The following ERO1B variants were observed in gnomAD, a reference collection of about 807,000 sequenced individuals.
ERO1B encodes the protein endoplasmic reticulum oxidoreductase 1 beta.
Under a neutral mutation model 75.3 loss-of-function variants are expected in ERO1B, and 49 were observed. The ratio of observed to expected loss-of-function variants is 0.65; its 90% CI spans 0.52 to 0.83. The LOEUF is 0.83. ERO1B is among the 40% of genes least tolerant of loss of function. The pLI, the probability that ERO1B is intolerant of heterozygous loss-of-function variation, is 0.00. For missense variants in ERO1B, 512 were observed against 560.1 expected (o/e 0.91, Z 0.87); for synonymous variants, 191 against 192.9 (o/e 0.99, Z 0.08).
chr1:236,268,710 C>G (rs1193733558), intron 2 of ERO1B, among the ~76,000 whole-genome samples: 1 of 151,356 alleles, frequency 6.6e-6, no homozygotes, highest in Non-Finnish European at 1.5e-5. Context: ...CATGGTGAAA[C>G]CCCGTCTCTA....
chr1:236,223,202 C>CA (rs11322079), intron 13 of ERO1B, among the ~76,000 whole-genome samples: 2,468 of 80,708 alleles, frequency 0.031, 64 homozygotes, highest in East Asian at 0.081. Flanking sequence ...AACTCTGTCT[C>CA]AAAAAAAAAA....
At chr1:236,268,542 A>C (rs1330730814) in intron 2 of ERO1B, among the ~76,000 whole-genome samples, 1 of 152,214 alleles carries the variant, frequency 6.6e-6, no homozygotes, top group African/African-American at 2.4e-5. Flanking sequence ...ACTTGAAGCC[A>C]GGAATTTGAG....
intron 9 of ERO1B, among the ~76,000 whole-genome samples, chr1:236,232,274 A>G (rs758136048): frequency 5.3e-5 from 8 of 152,212 alleles, no homozygotes; most frequent in Non-Finnish European, 8.8e-5. Flanking sequence ...GGAAAGCACC[A>G]TGTTTTAAAC....
intron 1 of ERO1B, chr1:236,281,453 T>C: frequency 2.6e-6 from 1 of 381,794 alleles, no homozygotes; most frequent in Non-Finnish European, 4.6e-6. Flanking sequence ...TCTTCCTCTT[T>C]TGACTGCCAT....
At chr1:236,251,930 G>A in intron 4 of ERO1B, 120 bp downstream of exon 4, 1 of 710,150 alleles carries the variant, frequency 1.4e-6, no homozygotes, top group Non-Finnish European at 2.4e-6. Flanking sequence ...GAATTCTGAG[G>A]CAAAATGTCT....
intron 2 of ERO1B, among the ~76,000 whole-genome samples, chr1:236,263,798 T>TTTTTTTTTTTTTTTTTTTTTTTC (rs1665350103): frequency 8.9e-6 from 1 of 112,528 alleles, no homozygotes; most frequent in Non-Finnish European, 1.9e-5. Flanking sequence ...TTTTTTTTTT[T>TTTTTTTTTTTTTTTTTTTTTTTC]TTTTTTTTGA....
intron 1 of ERO1B, 103 bp downstream of exon 1, chr1:236,281,579 G>GCCCGGCCCT: frequency 1.6e-6 from 1 of 618,800 alleles, no homozygotes; most frequent in Non-Finnish European, 2.4e-6. Flanking sequence ...CCTCTTTTCT[G>GCCCGGCCCT]GCCCGGCCCT....
Position 236,215,441 on chromosome 1 carries a change from A to G in ERO1B, c.*3075T>C, listed in dbSNP as rs970370940. 2 of 152,204 alleles carry G rather than the reference A, an allele frequency of 1.3e-5. No homozygotes were observed. The highest frequency in any genetic ancestry group is 4.8e-5 in the African/African-American group (2 of 41,462). 9.4% of individuals were successfully genotyped at this position (152,204 alleles called of 1,614,324 possible). On this transcript the variant is annotated 3_prime_UTR_variant, in exon 16 of 16. Coordinates refer to ENST00000354619, the MANE Select transcript of ERO1B (RefSeq NM_019891.4). ...CCAATGCTTGCCATTATGATAAGAAACAACCTCAGACTACTTATAAATACA... is the reference window on the plus strand; with the variant it reads ...CCAATGCTTGCCATTATGATAAGAAGCAACCTCAGACTACTTATAAATACA...
chr1:236,276,025 A>C (rs1360881181), intron 1 of ERO1B, among the ~76,000 whole-genome samples: 3 of 152,232 alleles, frequency 2.0e-5, no homozygotes, highest in Non-Finnish European at 4.4e-5. Context: ...ATATGAATAC[A>C]CGAGAAAAGT....
rs1210427069 is a variant in ERO1B at position 236,218,122 on chromosome 1, T to C, written c.*394A>G. ...TCACTGACACCAGCCCTGAGCAACATTTGTTCCCTAGTTCTCCTTTTCCAT... is the reference window on the plus strand; with the variant it reads ...TCACTGACACCAGCCCTGAGCAACACTTGTTCCCTAGTTCTCCTTTTCCAT... On this transcript the variant is annotated 3_prime_UTR_variant, in exon 16 of 16. Coordinates refer to ENST00000354619, the MANE Select transcript of ERO1B (RefSeq NM_019891.4). The C allele has an allele frequency of 2.0e-5, 3 of 152,374 alleles. No homozygotes were observed. Among genetic ancestry groups the C allele is most frequent in the African/African-American group, 7.2e-5 (3 of 41,438 alleles). 9.4% of individuals were successfully genotyped at this position (152,374 alleles called of 1,614,324 possible).
chr1:236,255,924 C>T (rs961762646), intron 2 of ERO1B, among the ~76,000 whole-genome samples: 1 of 152,220 alleles, frequency 6.6e-6, no homozygotes, highest in Non-Finnish European at 1.5e-5. Flanking sequence ...AAATGCAACT[C>T]CATTATTCTA....
rs1664121560 is a variant in ERO1B, at chr1:236,220,891, T to G, written c.1284A>C (p.Pro428=). The G allele has an allele frequency of 1.9e-6, 3 of 1,603,748 alleles. No individual in the cohort carries two copies. The highest frequency in any genetic ancestry group is 2.6e-6 in the Non-Finnish European group (3 of 1,175,292). Residue 428 remains proline (P), a synonymous_variant, in exon 15 of 16, where the codon CCA becomes CCC. Transcript: ENST00000354619. ...KEIQKLPENS[P]SKGFQLTRQE... Reference sequence around the variant, plus strand: ...GTCGGGTGAGTTGGAAGCCTTTAGATGGACTATTCTCTGGAAGCTTTTGGA... The same window carrying G: ...GTCGGGTGAGTTGGAAGCCTTTAGAGGGACTATTCTCTGGAAGCTTTTGGA...
intron 10 of ERO1B, among the ~76,000 whole-genome samples, chr1:236,229,951 C>T (rs995184901): frequency 1.3e-5 from 2 of 152,176 alleles, no homozygotes; most frequent in African/African-American, 4.8e-5. Flanking sequence ...ATGAACATTA[C>T]ATACAGAACA....
At chr1:236,263,778 CTTTTTTT>C in intron 2 of ERO1B, among the ~76,000 whole-genome samples, 10 of 80,302 alleles carry the variant, frequency 1.2e-4, no homozygotes, top group African/African-American at 4.2e-4. Flanking sequence ...ATTTTGTTTG[CTTTTTTT>C]TTTTTTTTTT....
chr1:236,230,084 G>A (rs1185879922), intron 10 of ERO1B, 140 bp downstream of exon 10: 1 of 673,990 alleles, frequency 1.5e-6, no homozygotes, highest in African/African-American at 1.9e-5. Flanking sequence ...ATCCCCATAT[G>A]TTAACCTAAA....
intron 4 of ERO1B, among the ~76,000 whole-genome samples, chr1:236,250,273 C>G (rs1664983203): frequency 6.6e-6 from 1 of 151,896 alleles, no homozygotes; most frequent in South Asian, 2.1e-4. Context: ...AGTTCAAGAC[C>G]AGCCTGGTCA....
Position 236,269,988 on chromosome 1 carries a change from C to T in ERO1B, c.109G>A (p.Gly37Arg), listed in dbSNP as rs770998948. ...LRSVVEAQVT[G>R]VLDDCLCDID... ...TCACACAAGCAATCATCCAGAACTC[C>T]AGTGACCTAGAATTTATATAATTTA... is the stretch of plus-strand genomic sequence containing the variant. Residue 37 changes from glycine (G) to arginine (R), a missense_variant, in exon 2 of 16, where the codon GGA (glycine) becomes AGA (arginine). Physicochemically the swap from Gly to Arg is moderately radical, Grantham distance 125 (BLOSUM62 -2). Transcript: ENST00000354619. 1.8e-5 allele frequency: 29 copies of T among 1,589,478 alleles called. No individual in the cohort carries two copies. The East Asian group carries it at 6.0e-4, about 33-fold the overall frequency.
At chr1:236,228,607 C>T (rs1664330362) in intron 10 of ERO1B, among the ~76,000 whole-genome samples, 1 of 152,196 alleles carries the variant, frequency 6.6e-6, no homozygotes, top group South Asian at 2.1e-4. Context: ...GATTTAATTT[C>T]ATTAAAATGC....
At chr1:236,259,521 A>G (rs936125848) in intron 2 of ERO1B, among the ~76,000 whole-genome samples, 3 of 152,202 alleles carry the variant, frequency 2.0e-5, no homozygotes, top group African/African-American at 7.2e-5. Context: ...CTCTAAGGAC[A>G]CACACAGACT....
Sources: gnomAD v4.1 joint callset for allele counts (sites outside exome capture counted in the v4.1 genomes callset) on GRCh38, gnomAD v4.1.1 for gene constraint, MANE v1.5 for transcripts, NCBI Gene and HGNC (gene_info 2026-07-23, HGNC 2026-07-21) for gene names.